Variants in COL8A1 observed in about 807,000 individuals in gnomAD.
COL8A1 encodes the protein collagen alpha-1(VIII) chain.
COL8A1 carries 21 observed loss-of-function variants against 42.7 expected under a neutral mutation model. The ratio of observed to expected loss-of-function variants is 0.49; its 90% CI spans 0.35 to 0.71. The LOEUF (loss-of-function observed/expected upper bound fraction) is 0.71, where lower values mean the gene tolerates loss of function less well. Ranked by LOEUF, COL8A1 falls within the 30% of genes least tolerant of loss-of-function variation. COL8A1 has a pLI of 0.01. For synonymous variants in COL8A1, 367 were observed against 369.1 expected, an observed-to-expected ratio of 0.99 and a Z score of 0.06; for missense variants, 788 against 962.4, an observed-to-expected ratio of 0.82 and a Z score of 2.40.
intron 2 of COL8A1, among the ~76,000 whole-genome samples, chr3:99,756,386 T>G (rs1255362380): frequency 6.6e-6 from 1 of 152,130 alleles, no homozygotes; most frequent in Non-Finnish European, 1.5e-5. Context: ...CTCTTAGAAT[T>G]CTGAACCAGA....
intron 1 of COL8A1, among the ~76,000 whole-genome samples, chr3:99,650,858 T>A (rs1937822660): frequency 6.6e-6 from 1 of 152,220 alleles, no homozygotes. Flanking sequence ...ATGCTATGGT[T>A]TAGGTCCCTT....
At chr3:99,676,679 T>G (rs1475522342) in intron 1 of COL8A1, among the ~76,000 whole-genome samples, 1 of 152,100 alleles carries the variant, frequency 6.6e-6, no homozygotes, top group Non-Finnish European at 1.5e-5. Context: ...CCACTGTTAT[T>G]CAAATTATGC....
At chr3:99,764,364 G>T (rs1269414558) in intron 2 of COL8A1, among the ~76,000 whole-genome samples, 3 of 152,112 alleles carry the variant, frequency 2.0e-5, no homozygotes, top group Admixed American at 6.6e-5. Context: ...AATATAAAGA[G>T]CAGAACAACA....
intron 2 of COL8A1, among the ~76,000 whole-genome samples, chr3:99,756,203 G>A (rs547600758): frequency 6.6e-5 from 10 of 151,884 alleles, no homozygotes; most frequent in African/African-American, 2.2e-4. Context: ...GCTTGGGGTA[G>A]AATCATTTTC....
rs1942046445 is a variant in COL8A1, at chr3:99,793,755, A to AT, written c.329-468dup. Among the ~76,000 whole-genome samples, 3 of 152,068 alleles carry AT rather than the reference A, an allele frequency of 2.0e-5. No homozygotes were observed. In the South Asian group the frequency reaches 6.3e-4, roughly 32 times the overall value. On this transcript the variant is annotated intron_variant, in intron 3 of 3. Transcript: ENST00000652472. ...CTTGATTTTTCTTTCTTATTTATTTATTTTTTTCCTTTTGGAGATGGAGTT... is the reference window on the plus strand; with the variant it reads ...CTTGATTTTTCTTTCTTATTTATTTATTTTTTTTCCTTTTGGAGATGGAGTT...
chr3:99,642,682 T>C lies in COL8A1; in HGVS notation c.-129+4018T>C, dbSNP rs190063429. ...ATGCAGTCATAGTCCCTCTGTGACA[T>C]TTCCTTTGTTCTTTCCCTGGAAAAA... On this transcript the variant is annotated intron_variant, in intron 1 of 3. Transcript: ENST00000652472. Among the ~76,000 whole-genome samples, 16 of 152,330 alleles carry C rather than the reference T, an allele frequency of 1.1e-4. No individual in the cohort carries two copies. The East Asian group carries it at 3.1e-3, about 29-fold the overall frequency.
At chr3:99,729,116 A>G (rs894181539) in intron 1 of COL8A1, among the ~76,000 whole-genome samples, 1 of 152,038 alleles carries the variant, frequency 6.6e-6, no homozygotes, top group Non-Finnish European at 1.5e-5. Flanking sequence ...ATCTATTTCA[A>G]AAGTATCAGA....
chr3:99,678,582 T>TTTGTTGTTGTTATTTGTTG (rs1553721240), intron 1 of COL8A1: 5 of 147,896 alleles, frequency 3.4e-5, no homozygotes, highest in Non-Finnish European at 4.5e-5. Flanking sequence ...TTCTGGGTTG[T>TTTGTTGTTGTTATTTGTTG]TTGTTGTTGT....
At chr3:99,706,823 T>C (rs975253698) in intron 1 of COL8A1, among the ~76,000 whole-genome samples, 2 of 152,200 alleles carry the variant, frequency 1.3e-5, no homozygotes, top group African/African-American at 2.4e-5. Context: ...ATGAATAATA[T>C]TAGGTTTTCT....
chr3:99,693,115 G>C (rs1939270260), intron 1 of COL8A1, among the ~76,000 whole-genome samples: 1 of 152,156 alleles, frequency 6.6e-6, no homozygotes, highest in Non-Finnish European at 1.5e-5. Flanking sequence ...GTTTGAACCT[G>C]GGAGGTGGAG....
At chr3:99,776,882 T>C (rs917181222) in intron 2 of COL8A1, among the ~76,000 whole-genome samples, 1 of 152,198 alleles carries the variant, frequency 6.6e-6, no homozygotes, top group African/African-American at 2.4e-5. Context: ...CTTTCTGAAA[T>C]TGCCATGGCA....
chr3:99,681,364 T>C (rs189750526), intron 1 of COL8A1, among the ~76,000 whole-genome samples: 7 of 152,286 alleles, frequency 4.6e-5, no homozygotes, highest in Admixed American at 3.9e-4. Flanking sequence ...AAGCAGACCT[T>C]ACTTATTTGC....
chr3:99,704,482 T>C (rs1252058298), intron 1 of COL8A1, among the ~76,000 whole-genome samples: 1 of 152,152 alleles, frequency 6.6e-6, no homozygotes, highest in Non-Finnish European at 1.5e-5. Context: ...TACATATGTA[T>C]ACATGTGCCA....
At chr3:99,773,262 T>A (rs952815891) in intron 2 of COL8A1, among the ~76,000 whole-genome samples, 1 of 152,202 alleles carries the variant, frequency 6.6e-6, no homozygotes, top group African/African-American at 2.4e-5. Context: ...GAATTGTTAA[T>A]AATAACAAGA....
chr3:99,689,841 C>T (rs978704264), intron 1 of COL8A1, among the ~76,000 whole-genome samples: 1 of 152,310 alleles, frequency 6.6e-6, no homozygotes, highest in South Asian at 2.1e-4. Context: ...AACTTCCTCA[C>T]AGACGAGAGA....
chr3:99,773,817 A>ATATATATATATATATATATATAT lies in COL8A1; in HGVS notation c.-3-16842_-3-16841insATTATATATATATATATATATAT, dbSNP rs1553682070. On this transcript the variant is annotated intron_variant, in intron 2 of 3. Coordinates refer to ENST00000652472, the MANE Select transcript of COL8A1 (RefSeq NM_020351.4). ...AGTAGATGATTATATATATGTGTGT[A>ATATATATATATATATATATATAT]TATATATATATATATATATATTTTT... Among the ~76,000 whole-genome samples the ATATATATATATATATATATATAT allele has an allele frequency of 3.3e-3, 166 of 49,668 alleles. 9 individuals carry two copies. The highest frequency in any genetic ancestry group is 4.4e-3 in the East Asian group (8 of 1,808). The allele number at this position is 49,668 out of a possible 152,430, so 32.6% of individuals were successfully genotyped here.
intron 2 of COL8A1, among the ~76,000 whole-genome samples, chr3:99,757,528 C>T (rs1038412202): frequency 9.2e-5 from 14 of 152,178 alleles, no homozygotes; most frequent in Admixed American, 2.0e-4. Flanking sequence ...AAGATGACTT[C>T]TTTTGACTGC....
chr3:99,745,208 G>C (rs1941000499), intron 2 of COL8A1, among the ~76,000 whole-genome samples, 187 bp downstream of exon 2: 1 of 152,120 alleles, frequency 6.6e-6, no homozygotes, highest in Admixed American at 6.5e-5. Context: ...CTAATATTAG[G>C]TTTTCAAATC....
intron 1 of COL8A1, among the ~76,000 whole-genome samples, chr3:99,733,651 T>C (rs946324030): frequency 4.6e-5 from 7 of 151,972 alleles, no homozygotes; most frequent in Admixed American, 1.3e-4. Flanking sequence ...TATAGTCCTT[T>C]GGGTATATAC....
Sources: allele counts gnomAD v4.1 joint callset (sites outside exome capture counted in the v4.1 genomes callset), GRCh38; gene constraint gnomAD v4.1.1; transcripts MANE v1.5; gene names NCBI Gene and HGNC (gene_info 2026-07-23, HGNC 2026-07-21).